The following SMAD6 variants were observed in gnomAD, a reference collection of about 807,000 sequenced individuals.
The protein encoded by SMAD6 is SMAD family member 6, also known as MAD homolog 6.
SMAD6 carries 103 observed loss-of-function variants against 39.4 expected under a neutral mutation model. The ratio of observed to expected loss-of-function variants is 2.62; its 90% confidence interval spans 2.23 to 3.08. SMAD6 has a LOEUF of 3.08. Ranked by LOEUF, SMAD6 falls within the 30% of genes most tolerant of loss-of-function variation. The pLI is 0.00. For missense variants in SMAD6, 1,104 were observed against 742.9 expected (o/e 1.49, Z -5.65); for synonymous variants, 445 against 353.3 (o/e 1.26, Z -2.91).
chr15:66,761,463 G>T (rs1256173669), intron 3 of SMAD6, among the ~76,000 whole-genome samples: 1 of 152,228 alleles, frequency 6.6e-6, no homozygotes, highest in East Asian at 1.9e-4. Flanking sequence ...GCAGGGAGTT[G>T]TTCCGACAGC....
At chr15:66,711,103 C>T (rs149050196) in intron 1 of SMAD6, among the ~76,000 whole-genome samples, 3 of 152,296 alleles carry the variant, frequency 2.0e-5, no homozygotes, top group African/African-American at 7.2e-5. Context: ...ATTCGAGTAT[C>T]AGATAAACAA....
At chr15:66,768,284 G>A (rs1446910571) in intron 3 of SMAD6, among the ~76,000 whole-genome samples, 1 of 152,116 alleles carries the variant, frequency 6.6e-6, no homozygotes, top group Non-Finnish European at 1.5e-5. Context: ...CATCTTTAGT[G>A]TAAATCGAGG....
At chr15:66,773,129 G>A (rs984966776) in intron 3 of SMAD6, among the ~76,000 whole-genome samples, 8 of 149,136 alleles carry the variant, frequency 5.4e-5, no homozygotes, top group East Asian at 4.0e-4. Context: ...TGGCCAGACC[G>A]CCCGTGATGT....
At chr15:66,716,995 T>G in intron 3 of SMAD6, 1 of 1,289,302 alleles carries the variant, frequency 7.8e-7, no homozygotes, top group Non-Finnish European at 1.0e-6. Flanking sequence ...GTGGTTTCTG[T>G]GTCTCTCCCT....
intron 3 of SMAD6, among the ~76,000 whole-genome samples, chr15:66,769,340 G>C (rs1894342583): frequency 6.6e-6 from 1 of 152,126 alleles, no homozygotes. Context: ...TTTTCACTGG[G>C]CCCTCAAAAG....
Position 66,781,552 on chromosome 15 carries a change from A to G in SMAD6, c.*17A>G, listed in dbSNP as rs1005865198. The G allele has an allele frequency of 5.0e-6, 4 of 807,604 alleles. No homozygotes were observed. Among genetic ancestry groups the G allele is most frequent in the South Asian group, 3.2e-5 (2 of 62,172 alleles). The allele number at this position is 807,604 out of a possible 1,614,324, so 50.0% of individuals were successfully genotyped here. A position where few individuals can be genotyped will look rare whatever the true frequency, so the allele number is the denominator to read the frequency against. On this transcript the variant is annotated 3_prime_UTR_variant, in exon 4 of 4. Coordinates refer to ENST00000288840, the MANE Select transcript of SMAD6 (RefSeq NM_005585.5). ...CCCAGATAGTGGCGGCCCCGGCGGGAGGGGCGGGTGGGAGGCCGCGGCCAC... is the reference window on the plus strand; with the variant it reads ...CCCAGATAGTGGCGGCCCCGGCGGGGGGGGCGGGTGGGAGGCCGCGGCCAC...
chr15:66,755,236 C>A (rs747165229), intron 3 of SMAD6, among the ~76,000 whole-genome samples: 4 of 152,178 alleles, frequency 2.6e-5, no homozygotes, highest in African/African-American at 4.8e-5. Flanking sequence ...AGAATCACCA[C>A]CAGTTTGAGG....
intron 1 of SMAD6, among the ~76,000 whole-genome samples, chr15:66,711,365 G>A (rs1025220046): frequency 2.0e-5 from 3 of 152,138 alleles, no homozygotes; most frequent in African/African-American, 7.2e-5. Flanking sequence ...CAGCAAACCT[G>A]GGAGGTCTAG....
At position 66,781,375 on chromosome 15, in the gene SMAD6, C is replaced by A; in HGVS notation, c.1331C>A (p.Ser444Ter). 1 of 1,600,576 alleles carries A rather than the reference C, an allele frequency of 6.2e-7. No individual in the cohort carries two copies. Among genetic ancestry groups the A allele is most frequent in the Non-Finnish European group, 8.5e-7 (1 of 1,176,562 alleles). The change falls in exon 4 of 4, where the codon TCG becomes TAG. Residue 444 changes from serine (S) to a stop codon, truncating the protein, a stop_gained. Coordinates refer to ENST00000288840, the MANE Select transcript of SMAD6 (RefSeq NM_005585.5). LOFTEE classifies it high-confidence loss of function. Reference sequence around the variant, plus strand: ...ATCAAGGTGTTCGACTTCGAGCGCTCGGGCCTGCAGCACGCGCCCGAGCCC... The same window carrying A: ...ATCAAGGTGTTCGACTTCGAGCGCTAGGGCCTGCAGCACGCGCCCGAGCCC... The part of the protein sequence containing the change: ...YSIKVFDFER[S>*]GLQHAPEPDA...
intron 3 of SMAD6, among the ~76,000 whole-genome samples, chr15:66,777,353 A>G (rs1894484706): frequency 6.6e-6 from 1 of 152,114 alleles, no homozygotes; most frequent in Non-Finnish European, 1.5e-5. Context: ...ATGTCTAGGC[A>G]CTGGGACATA....
At chr15:66,761,075 C>T (rs1368304901) in intron 3 of SMAD6, among the ~76,000 whole-genome samples, 1 of 152,166 alleles carries the variant, frequency 6.6e-6, no homozygotes, top group East Asian at 1.9e-4. Context: ...GCCTCTTTAA[C>T]CCTTTTATTT....
intron 3 of SMAD6, among the ~76,000 whole-genome samples, chr15:66,754,768 AC>A (rs950803301): frequency 1.3e-5 from 2 of 152,166 alleles, no homozygotes; most frequent in Non-Finnish European, 2.9e-5. Flanking sequence ...GAGGAAAGTT[AC>A]CCCAACAGGG....
In SMAD6 at chr15:66,703,535, A is replaced by T. The variant is rs781686740; in HGVS notation, c.277A>T (p.Met93Leu). Reference protein sequence around the residue: ...RRRAGGPPRPMSEPGAGAGSS... With the variant: ...RRRAGGPPRPLSEPGAGAGSS... ...GCGCGCAGGGGGCCCCCCGAGGCCC[A>T]TGTCGGAGCCAGGGGCCGGCGCTGG... is the stretch of plus-strand genomic sequence containing the variant. The change falls in exon 1 of 4, where the codon ATG becomes TTG. Residue 93 changes from methionine to leucine, a missense_variant. Transcript: ENST00000288840. The T allele has an allele frequency of 7.3e-5, 89 of 1,221,430 alleles. No individual in the cohort carries two copies. The highest frequency in any genetic ancestry group is 3.1e-4 in the Admixed American group (7 of 22,932). 75.7% of individuals were successfully genotyped at this position (1,221,430 alleles called of 1,614,324 possible). A position where few individuals can be genotyped will look rare whatever the true frequency, so the allele number is the denominator to read the frequency against.
intron 1 of SMAD6, among the ~76,000 whole-genome samples, chr15:66,709,880 G>A (rs1893193724): frequency 6.6e-6 from 1 of 152,186 alleles, no homozygotes; most frequent in Non-Finnish European, 1.5e-5. Context: ...ACTCAAGGCT[G>A]GCCTCTAGGC....
At chr15:66,729,839 A>G (rs372055452) in intron 3 of SMAD6, among the ~76,000 whole-genome samples, 1 of 152,130 alleles carries the variant, frequency 6.6e-6, no homozygotes, top group South Asian at 2.1e-4. Flanking sequence ...GTGTGCATCA[A>G]AGGCGGCACC....
intron 3 of SMAD6, among the ~76,000 whole-genome samples, chr15:66,720,627 T>A (rs1012302861): frequency 6.6e-6 from 1 of 152,240 alleles, no homozygotes; most frequent in African/African-American, 2.4e-5. Flanking sequence ...TTAAGCATCC[T>A]GTCCCTCCAT....
rs747832846 is a variant in SMAD6, at chr15:66,703,210, G to A, written c.-49G>A. The A allele has an allele frequency of 3.8e-6, 5 of 1,301,280 alleles. No individual in the cohort carries two copies. Among genetic ancestry groups the A allele is most frequent in the African/African-American group, 1.6e-5 (1 of 64,188 alleles). The allele number at this position is 1,301,280 out of a possible 1,614,324, so 80.6% of individuals were successfully genotyped here. On this transcript the variant is annotated 5_prime_UTR_variant, in exon 1 of 4. Transcript: ENST00000288840. ...CGCCTCGCTGAGGGAACGGACCCCC[G>A]GTAACCGGAGACCGCCTCCCCCCCA... is the stretch of plus-strand genomic sequence containing the variant.
rs1180881490 is a variant in SMAD6 at position 66,747,639 on chromosome 15, C to T, written c.952+31141C>T. Among the ~76,000 whole-genome samples the T allele has an allele frequency of 6.6e-6, 1 of 152,228 alleles. No individual in the cohort carries two copies. The highest frequency in any genetic ancestry group is 2.4e-5 in the African/African-American group (1 of 41,450). On this transcript the variant is annotated intron_variant, in intron 3 of 3. Coordinates refer to ENST00000288840, the MANE Select transcript of SMAD6 (RefSeq NM_005585.5). This position sits in a 1 kb window ranked among gnomAD's most constrained non-coding sequence, Gnocchi z 4.5. ...AGACTAGGTTAGCCTTCCTCGGACA[C>T]TGACTCCACGGTTTCCCCCTTAGTC...
intron 3 of SMAD6, among the ~76,000 whole-genome samples, chr15:66,749,472 A>C (rs548584993): frequency 4.5e-4 from 69 of 152,238 alleles, no homozygotes; most frequent in South Asian, 2.9e-3. Flanking sequence ...AGAAACAAAC[A>C]AACAAAAATT....
Sources: gnomAD v4.1 joint callset for allele counts (sites outside exome capture counted in the v4.1 genomes callset) on GRCh38, gnomAD v4.1.1 for gene constraint, Gnocchi (gnomAD v3.1) non-coding constraint, MANE v1.5 for transcripts, NCBI Gene and HGNC (gene_info 2026-07-23, HGNC 2026-07-21) for gene names.